The following BCAS3 variants were observed in gnomAD, a reference collection of about 807,000 sequenced individuals.
BCAS3 encodes BCAS3 microtubule associated cell migration factor.
In BCAS3, 53 loss-of-function variants were observed where a neutral mutation model predicts 116.1. That is an observed-to-expected ratio of 0.46 (90% CI 0.37 to 0.57). The LOEUF is 0.57. BCAS3 is among the 20% of genes least tolerant of loss of function. BCAS3 has a pLI of 0.00. For synonymous variants in BCAS3, 391 were observed against 408.2 expected (o/e 0.96, Z 0.51); for missense variants, 917 against 1,165.4 (o/e 0.79, Z 3.10).
intron 7 of BCAS3, among the ~76,000 whole-genome samples, chr17:60,817,890 T>C (rs2049579485): frequency 6.6e-6 from 1 of 151,272 alleles, no homozygotes; most frequent in African/African-American, 2.4e-5. Flanking sequence ...AGTCTCACTC[T>C]GTCACCCAGG....
rs57316318 is a variant in BCAS3, at chr17:61,191,935, TA to T, written c.2425+107372del. On this transcript the variant is annotated intron_variant, in intron 22 of 23. Coordinates refer to ENST00000407086, the MANE Select transcript of BCAS3 (RefSeq NM_017679.5). ...ACATAGGTAGAAAAATGTGAAAGATTAGTTAGTTGAGAAACATACAGTTTAG... is the reference window on the plus strand; with the variant it reads ...ACATAGGTAGAAAAATGTGAAAGATTGTTAGTTGAGAAACATACAGTTTAG... Among the ~76,000 whole-genome samples, 132 of 151,890 alleles carry T rather than the reference TA, an allele frequency of 8.7e-4. 1 individual carries two copies. The highest frequency in any genetic ancestry group is 3.1e-3 in the African/African-American group (128 of 41,466).
intron 7 of BCAS3, among the ~76,000 whole-genome samples, chr17:60,853,000 G>C (rs940314974): frequency 6.6e-6 from 1 of 152,172 alleles, no homozygotes; most frequent in Non-Finnish European, 1.5e-5. Context: ...ACAAAGATGC[G>C]TATAGCAACT....
intron 19 of BCAS3, among the ~76,000 whole-genome samples, chr17:61,044,702 A>G (rs998199114): frequency 5.3e-5 from 8 of 151,714 alleles, no homozygotes; most frequent in African/African-American, 1.9e-4. Context: ...CAATAACTTG[A>G]TAAATGTAGA....
At chr17:61,146,366 C>A (rs1484527230) in intron 22 of BCAS3, among the ~76,000 whole-genome samples, 1 of 151,848 alleles carries the variant, frequency 6.6e-6, no homozygotes, top group Non-Finnish European at 1.5e-5. Flanking sequence ...ATCCATCCCC[C>A]TCGGCCTCCT....
At chr17:61,322,984 G>A (rs146164565) in intron 22 of BCAS3, among the ~76,000 whole-genome samples, 8 of 152,004 alleles carry the variant, frequency 5.3e-5, no homozygotes, top group South Asian at 4.2e-4. Flanking sequence ...AAAACAAGGC[G>A]CCTTCCTTTT....
At chr17:61,320,894 A>AT (rs1251150271) in intron 22 of BCAS3, among the ~76,000 whole-genome samples, 1 of 152,204 alleles carries the variant, frequency 6.6e-6, no homozygotes, top group East Asian at 1.9e-4. Context: ...CACAGTAATA[A>AT]TATAGCACGT....
chr17:61,050,571 A>G (rs2143187465), intron 19 of BCAS3, among the ~76,000 whole-genome samples: 1 of 152,114 alleles, frequency 6.6e-6, no homozygotes, highest in East Asian at 1.9e-4. Context: ...AGCAACTACT[A>G]AAATAACAAA....
At chr17:60,825,165 C>CA (rs796973382) in intron 7 of BCAS3, among the ~76,000 whole-genome samples, 3,678 of 110,162 alleles carry the variant, frequency 0.033, 128 homozygotes, top group East Asian at 0.12. Flanking sequence ...GAACCTGTCT[C>CA]AAAAAAAAAA....
At chr17:60,759,956 A>G (rs905856350) in intron 6 of BCAS3, among the ~76,000 whole-genome samples, 1 of 152,204 alleles carries the variant, frequency 6.6e-6, no homozygotes, top group African/African-American at 2.4e-5. Flanking sequence ...TGTGGCCACC[A>G]TGCCAAGCCA....
At chr17:61,329,003 T>A (rs1390487550) in intron 22 of BCAS3, among the ~76,000 whole-genome samples, 1 of 148,308 alleles carries the variant, frequency 6.7e-6, no homozygotes, top group South Asian at 2.3e-4. Flanking sequence ...CAAGCAATTC[T>A]CCTGCCTCAG....
rs143107211 is a variant in BCAS3, at chr17:60,942,101, A to G, written c.1088-5118A>G. ...GTGGCAAAACACTGTCTACAAATGG[A>G]CAACAAAGCATTCATGCCTAAACTT... On this transcript the variant is annotated intron_variant, in intron 13 of 23. Transcript: ENST00000407086. Among the ~76,000 whole-genome samples the G allele has an allele frequency of 3.3e-3, 510 of 152,284 alleles. 3 individuals carry two copies. Among genetic ancestry groups the G allele is most frequent in the Middle Eastern group, 0.017 (5 of 294 alleles).
At chr17:61,328,475 G>T (rs2055919960) in intron 22 of BCAS3, among the ~76,000 whole-genome samples, 1 of 152,192 alleles carries the variant, frequency 6.6e-6, no homozygotes. Flanking sequence ...CAAGATCAAA[G>T]TGCCAGCAAG....
At chr17:60,920,484 G>C (rs905888606) in intron 12 of BCAS3, among the ~76,000 whole-genome samples, 1 of 152,068 alleles carries the variant, frequency 6.6e-6, no homozygotes, top group Admixed American at 6.6e-5. Context: ...CAAACATATG[G>C]AAAAATGCTC....
At chr17:60,985,205 G>A (rs1193886748) in intron 14 of BCAS3, among the ~76,000 whole-genome samples, 1 of 146,770 alleles carries the variant, frequency 6.8e-6, no homozygotes, top group East Asian at 2.0e-4. Context: ...GAGTGCAGTG[G>A]CATGATCTCA....
intron 6 of BCAS3, among the ~76,000 whole-genome samples, chr17:60,799,917 G>A (rs1598801236): frequency 6.6e-6 from 1 of 151,602 alleles, no homozygotes; most frequent in South Asian, 2.1e-4. Context: ...AAGTTGTTTA[G>A]TCTATCAGTA....
rs747883909 is a variant in BCAS3 at position 60,955,664 on chromosome 17, A to G, written c.1221+8312A>G. Among the ~76,000 whole-genome samples the G allele has an allele frequency of 4.6e-5, 7 of 152,110 alleles. No individual in the cohort carries two copies. In the South Asian group the frequency reaches 1.2e-3, roughly 27 times the overall value. On this transcript the variant is annotated intron_variant, in intron 14 of 23. Transcript: ENST00000407086. ...CTCCCACAGTGCCAGGATTACAGGC[A>G]TGAGCCACCGTGCCCGGCTGGAGAC...
intron 22 of BCAS3, among the ~76,000 whole-genome samples, chr17:61,291,357 T>C (rs998771596): frequency 2.0e-5 from 3 of 152,152 alleles, no homozygotes; most frequent in African/African-American, 7.2e-5. Context: ...ATTACTATAC[T>C]TGATGTGGGG....
chr17:61,067,638 C>A (rs2070825853), intron 19 of BCAS3, among the ~76,000 whole-genome samples: 2 of 150,066 alleles, frequency 1.3e-5, no homozygotes, highest in Non-Finnish European at 3.0e-5. Context: ...ATCGCTTGAA[C>A]CTGGGAGGCG....
intron 7 of BCAS3, among the ~76,000 whole-genome samples, chr17:60,841,390 T>G (rs950247080): frequency 1.3e-5 from 2 of 150,968 alleles, no homozygotes; most frequent in African/African-American, 4.9e-5. Flanking sequence ...CTTTTTTTTT[T>G]TTTTTTTGAG....
Sources: gnomAD v4.1 joint callset for allele counts (sites outside exome capture counted in the v4.1 genomes callset) on GRCh38, gnomAD v4.1.1 for gene constraint, MANE v1.5 for transcripts, NCBI Gene and HGNC (gene_info 2026-07-23, HGNC 2026-07-21) for gene names.